The following SIPA1L3 variants were observed in gnomAD, a reference collection of about 807,000 sequenced individuals.
The protein encoded by SIPA1L3 is signal induced proliferation associated 1 like 3.
SIPA1L3 carries 59 observed loss-of-function variants against 150.1 expected under a neutral mutation model. The observed-to-expected ratio is 0.39, with a 90% confidence interval of 0.32 to 0.49. SIPA1L3 has a LOEUF of 0.49. Among genes scored for constraint, SIPA1L3 ranks in the 20% least tolerant of loss-of-function variants. SIPA1L3 has a pLI of 0.86. For synonymous variants in SIPA1L3, 1,070 were observed against 1,077.6 expected, an observed-to-expected ratio of 0.99 and a Z score of 0.14; for missense variants, 2,211 against 2,489.5, an observed-to-expected ratio of 0.89 and a Z score of 2.38.
chr19:38,146,214 G>T (rs1258446139), intron 12 of SIPA1L3, among the ~76,000 whole-genome samples: 1 of 152,148 alleles, frequency 6.6e-6, no homozygotes, highest in Non-Finnish European at 1.5e-5. Flanking sequence ...AAAAGAATCA[G>T]ATGTACGTAT....
chr19:38,173,129 T>C (rs1600168924), intron 15 of SIPA1L3, among the ~76,000 whole-genome samples: 1 of 152,116 alleles, frequency 6.6e-6, no homozygotes, highest in African/African-American at 2.4e-5. Flanking sequence ...AATGTAAAAA[T>C]GAAAAAATAG....
intron 3 of SIPA1L3, among the ~76,000 whole-genome samples, chr19:38,083,826 A>G (rs1430864588): frequency 6.6e-6 from 1 of 152,032 alleles, no homozygotes; most frequent in Non-Finnish European, 1.5e-5. Flanking sequence ...CCGCATCTCT[A>G]CTAAAAATAC....
At chr19:38,126,914 C>T (rs1971187451) in intron 9 of SIPA1L3, among the ~76,000 whole-genome samples, 2 of 151,650 alleles carry the variant, frequency 1.3e-5, no homozygotes, top group Admixed American at 6.6e-5. Context: ...CAGTCTTGGC[C>T]GGCTGCAGTG....
intron 4 of SIPA1L3, among the ~76,000 whole-genome samples, chr19:38,097,447 G>C (rs1417192665): frequency 6.6e-6 from 1 of 152,180 alleles, no homozygotes; most frequent in Non-Finnish European, 1.5e-5. Context: ...TTAATTTTGA[G>C]GAAAAAGGGG....
intron 1 of SIPA1L3, among the ~76,000 whole-genome samples, chr19:38,021,582 CCCAGGCTGCAATG>C (rs1186175542): frequency 6.6e-6 from 1 of 151,090 alleles, no homozygotes; most frequent in Non-Finnish European, 1.5e-5. Context: ...TGCTCTGTCA[CCCAGGCTGCAATG>C]CAGTGATGCA....
chr19:38,153,251 G>C (rs990280788), intron 13 of SIPA1L3, among the ~76,000 whole-genome samples: 1 of 152,238 alleles, frequency 6.6e-6, no homozygotes, highest in African/African-American at 2.4e-5. Context: ...GGAGCCACCA[G>C]GGAAGGTAGC....
chr19:38,108,179 C>T (rs924365173), intron 7 of SIPA1L3, among the ~76,000 whole-genome samples: 3 of 152,038 alleles, frequency 2.0e-5, no homozygotes, highest in Non-Finnish European at 4.4e-5. Flanking sequence ...TATACTCCTG[C>T]GGCAACCGGA....
intron 2 of SIPA1L3, among the ~76,000 whole-genome samples, chr19:38,053,929 G>A (rs939523278): frequency 2.0e-5 from 3 of 149,584 alleles, no homozygotes; most frequent in Admixed American, 1.3e-4. Context: ...CGAAAGCAAT[G>A]GCAAAAACCG....
At chr19:38,201,738 A>C in intron 19 of SIPA1L3, 124 bp from the exon 20 acceptor site, 2 of 1,048,100 alleles carry the variant, frequency 1.9e-6, no homozygotes, top group Admixed American at 5.4e-5. Flanking sequence ...CTAAGTGCCG[A>C]TGCAGTCTGT....
intron 1 of SIPA1L3, among the ~76,000 whole-genome samples, chr19:37,952,719 G>T (rs1318968518): frequency 6.6e-6 from 1 of 152,202 alleles, no homozygotes; most frequent in African/African-American, 2.4e-5. Context: ...CTCCAGAAAT[G>T]ATTTGTATGA....
intron 1 of SIPA1L3, among the ~76,000 whole-genome samples, chr19:37,971,912 T>A: frequency 6.6e-6 from 1 of 152,196 alleles, no homozygotes; most frequent in Non-Finnish European, 1.5e-5. Flanking sequence ...CATGAATCAG[T>A]ACTTCATTCC....
chr19:37,958,690 T>C lies in SIPA1L3; in HGVS notation c.-379+51332T>C, dbSNP rs78627810. Among the ~76,000 whole-genome samples, 1,032 of 152,182 alleles carry C rather than the reference T, an allele frequency of 6.8e-3. 7 individuals are homozygous for C. The highest frequency in any genetic ancestry group is 0.022 in the African/African-American group (917 of 41,522). ...CAACAGAAGAAAAAAATAGACACAT[T>C]GGACTTCATGAAAATTTAAAACTTT... On this transcript the variant is annotated intron_variant, in intron 1 of 21. Coordinates refer to ENST00000222345, the MANE Select transcript of SIPA1L3 (RefSeq NM_015073.3).
Position 37,907,224 on chromosome 19 carries a change from C to T in SIPA1L3, c.-513C>T, listed in dbSNP as rs1599779980. On this transcript the variant is annotated 5_prime_UTR_variant, in exon 1 of 22. Coordinates refer to ENST00000222345, the MANE Select transcript of SIPA1L3 (RefSeq NM_015073.3). The stretch of plus-strand genomic sequence containing the variant: ...GGCGAAACTACAGTTCCCAGGAGGA[C>T]TCGCGCGAAGCGGCTTGGAAGTGGG... 1.3e-5 allele frequency: 2 copies of T among 152,684 alleles called. No homozygotes were observed. The highest frequency in any genetic ancestry group is 4.1e-4 in the South Asian group (2 of 4,832). 9.5% of individuals were successfully genotyped at this position (152,684 alleles called of 1,614,324 possible). A position where few individuals can be genotyped will look rare whatever the true frequency, so the allele number is the denominator to read the frequency against.
intron 1 of SIPA1L3, among the ~76,000 whole-genome samples, chr19:37,912,627 C>T (rs1029952179): frequency 7.9e-5 from 12 of 152,166 alleles, no homozygotes; most frequent in African/African-American, 2.7e-4. Flanking sequence ...TCCCTAGTAG[C>T]TGGGGCTACA....
intron 1 of SIPA1L3, among the ~76,000 whole-genome samples, chr19:37,922,392 T>TTTTTA (rs1023137288): frequency 6.6e-6 from 1 of 151,756 alleles, no homozygotes; most frequent in Non-Finnish European, 1.5e-5. Context: ...CCTGCCTTGA[T>TTTTTA]TTTTATTTTA....
At chr19:38,027,163 T>C (rs1379668871) in intron 1 of SIPA1L3, among the ~76,000 whole-genome samples, 1 of 152,080 alleles carries the variant, frequency 6.6e-6, no homozygotes, top group Admixed American at 6.6e-5. Context: ...TGGTGGTGTG[T>C]ACCTGTAAAC....
At chr19:38,127,856 GAAT>G (rs1460639524) in intron 9 of SIPA1L3, among the ~76,000 whole-genome samples, 1 of 151,990 alleles carries the variant, frequency 6.6e-6, no homozygotes, top group East Asian at 1.9e-4. Flanking sequence ...CACTTAGCCT[GAAT>G]ATAACAACAT....
chr19:37,932,422 C>A (rs1001503696), intron 1 of SIPA1L3: 2 of 150,028 alleles, frequency 1.3e-5, no homozygotes, highest in East Asian at 2.0e-4. Flanking sequence ...TTCACGACGA[C>A]CAGCCATCTC....
In SIPA1L3 at chr19:38,088,814, C is replaced by T. The variant is rs1257740528; in HGVS notation, c.1628C>T (p.Pro543Leu). Reference protein sequence around the residue: ...EKLEDHKEHGPQYQYRIIFRT... With the variant: ...EKLEDHKEHGLQYQYRIIFRT... The stretch of plus-strand genomic sequence containing the variant: ...CTGGAAGACCACAAGGAGCACGGAC[C>T]TCAGTACCAGTACAGGATCATCTTC... Residue 543 changes from proline to leucine, a missense_variant, in exon 4 of 22, where the codon CCT becomes CTT. By Grantham distance (98) the Pro-to-Leu change is moderately conservative. This residue lies in a region of SIPA1L3 where 625 missense variants were observed against 804.2 expected (regional missense o/e 0.78). Transcript: ENST00000222345. 1 of 1,613,948 alleles carries T rather than the reference C, an allele frequency of 6.2e-7. No homozygotes were observed. Among genetic ancestry groups the T allele is most frequent in the African/African-American group, 1.3e-5 (1 of 74,910 alleles).
Sources: gnomAD v4.1 joint callset for allele counts (sites outside exome capture counted in the v4.1 genomes callset) on GRCh38, gnomAD v4.1.1 for gene constraint, gnomAD v4.1.1 regional missense constraint, MANE v1.5 for transcripts, NCBI Gene and HGNC (gene_info 2026-07-23, HGNC 2026-07-21) for gene names.